The following CBR4 variants were observed in gnomAD, a reference collection of about 807,000 sequenced individuals.
CBR4 encodes carbonyl reductase 4, also known as 3-oxoacyl-[acyl-carrier-protein] reductase.
CBR4 carries 22 observed loss-of-function variants against 21.0 expected under a neutral mutation model. The ratio of observed to expected loss-of-function variants is 1.05; its 90% CI spans 0.75 to 1.50. The LOEUF is 1.50. Ranked by LOEUF, CBR4 falls within the 40% of genes most tolerant of loss-of-function variation. CBR4 has a pLI of 0.00. For missense variants in CBR4, 302 were observed against 286.3 expected, an observed-to-expected ratio of 1.05 and a Z score of -0.40; for synonymous variants, 100 against 104.4, an observed-to-expected ratio of 0.96 and a Z score of 0.26.
At chr4:168,921,007 T>C (rs1274781810) in intron 2 of CBR4, among the ~76,000 whole-genome samples, 4 of 152,194 alleles carry the variant, frequency 2.6e-5, no homozygotes, top group Non-Finnish European at 5.9e-5. Context: ...CGGTCTTCTC[T>C]AGGTTGCTCT....
At chr4:168,998,646 A>G (rs1765319447) in intron 4 of CBR4, among the ~76,000 whole-genome samples, 1 of 152,162 alleles carries the variant, frequency 6.6e-6, no homozygotes, top group Admixed American at 6.5e-5. Flanking sequence ...CACTGAATTG[A>G]CTGAATTGTA....
chr4:168,952,479 T>A (rs1419953256), intron 2 of CBR4, among the ~76,000 whole-genome samples: 3 of 151,716 alleles, frequency 2.0e-5, no homozygotes, highest in Non-Finnish European at 4.4e-5. Context: ...TTTGGGGGGG[T>A]GTTAAAGAGC....
intron 4 of CBR4, among the ~76,000 whole-genome samples, chr4:168,993,851 C>A (rs1023089936): frequency 6.6e-6 from 1 of 152,136 alleles, no homozygotes; most frequent in Non-Finnish European, 1.5e-5. Flanking sequence ...ACTCTGCTGG[C>A]CTGGCCTTTT....
Position 168,924,346 on chromosome 4 carries a change from A to G in CBR4, n.170-29581T>C, listed in dbSNP as rs781516286. 8.7e-6 allele frequency: 14 copies of G among 1,613,980 alleles called. No individual in the cohort carries two copies. The East Asian group carries it at 3.1e-4, about 36-fold the overall frequency. ...ACCCAGTGCGGCTGGAATGTCGTGT[A>G]TTGGGAGTGCCACCACCTCAGATAT... On this transcript the variant is annotated intron_variant and non_coding_transcript_variant, in intron 2 of 3. Coordinates refer to the CBR4 transcript ENST00000509108.
intron 2 of CBR4, among the ~76,000 whole-genome samples, chr4:168,947,117 CT>C (rs1036243196): frequency 1.3e-5 from 2 of 152,022 alleles, no homozygotes; most frequent in Non-Finnish European, 2.9e-5. Flanking sequence ...AGTCGTGCCC[CT>C]GTCATGTTTT....
intron 4 of CBR4, among the ~76,000 whole-genome samples, chr4:168,997,758 G>C (rs1765275449): frequency 6.6e-6 from 1 of 152,116 alleles, no homozygotes; most frequent in African/African-American, 2.4e-5. Flanking sequence ...AAAGGCATCA[G>C]GATTTTAGCC....
Position 168,988,739 on chromosome 4 carries a change from G to A in CBR4, c.*1411C>T. On this transcript the variant is annotated 3_prime_UTR_variant, in exon 5 of 5. Coordinates refer to ENST00000306193, the MANE Select transcript of CBR4 (RefSeq NM_032783.5). ...CTTAATTGACTTTCTCATATCCTGA[G>A]ATTAATCTAAGAAAACTATTTCAAA... The A allele has an allele frequency of 1.0e-6, 1 of 968,874 alleles. No homozygotes were observed. The highest frequency in any genetic ancestry group is 1.2e-6 in the Non-Finnish European group (1 of 814,918). 60.0% of individuals were successfully genotyped at this position (968,874 alleles called of 1,614,324 possible).
At chr4:168,910,197 A>G (rs1057092233) in intron 2 of CBR4, among the ~76,000 whole-genome samples, 15 of 150,874 alleles carry the variant, frequency 9.9e-5, no homozygotes, top group African/African-American at 3.4e-4. Flanking sequence ...TGACCTTTCC[A>G]GAGTAGTATG....
At chr4:168,951,947 T>C (rs527926663) in intron 2 of CBR4, among the ~76,000 whole-genome samples, 1 of 152,308 alleles carries the variant, frequency 6.6e-6, no homozygotes, top group East Asian at 1.9e-4. Context: ...CTTCTTGTAT[T>C]TGGATGTCTA....
chr4:168,993,986 G>C (rs1348669800), intron 4 of CBR4, among the ~76,000 whole-genome samples: 1 of 152,122 alleles, frequency 6.6e-6, no homozygotes, highest in African/African-American at 2.4e-5. Context: ...GCTAAGACCA[G>C]CTCGGTCACG....
intron 2 of CBR4, among the ~76,000 whole-genome samples, chr4:168,908,208 C>T (rs1208659208): frequency 6.6e-6 from 1 of 152,076 alleles, no homozygotes; most frequent in Admixed American, 6.5e-5. Flanking sequence ...ACTGGTATGT[C>T]CAAATATGGC....
At chr4:168,956,023 T>C (rs1763675648) in intron 2 of CBR4, among the ~76,000 whole-genome samples, 2 of 152,122 alleles carry the variant, frequency 1.3e-5, no homozygotes, top group African/African-American at 4.8e-5. Flanking sequence ...TAAAATACAA[T>C]CGGCACAGCA....
At chr4:168,913,719 CCTTCAAGTTCTT>C (rs1759522395) in intron 2 of CBR4, among the ~76,000 whole-genome samples, 1 of 151,910 alleles carries the variant, frequency 6.6e-6, no homozygotes, top group Admixed American at 6.6e-5. Context: ...GACCTTGTCA[CCTTCAAGTTCTT>C]CAAGTAAAAA....
intron 4 of CBR4, among the ~76,000 whole-genome samples, 177 bp from the exon 5 acceptor site, chr4:168,990,505 C>T (rs989567781): frequency 1.3e-5 from 2 of 151,966 alleles, no homozygotes; most frequent in Non-Finnish European, 2.9e-5. Flanking sequence ...GGTGCAAACA[C>T]GACTCACTGC....
At chr4:168,955,108 TA>T (rs1217214802) in intron 2 of CBR4, among the ~76,000 whole-genome samples, 1 of 152,218 alleles carries the variant, frequency 6.6e-6, no homozygotes, top group East Asian at 1.9e-4. Context: ...TATATTTATG[TA>T]ATTGTCATAA....
chr4:168,959,528 T>G (rs913172738), intron 2 of CBR4, among the ~76,000 whole-genome samples: 1 of 151,694 alleles, frequency 6.6e-6, no homozygotes, highest in African/African-American at 2.4e-5. Context: ...GTGGTTTACA[T>G]TACCACAAAT....
Position 169,010,186 on chromosome 4 carries a change from A to G in CBR4, c.-97T>C, listed in dbSNP as rs1731317174. 2.6e-6 allele frequency: 3 copies of G among 1,163,292 alleles called. No individual in the cohort carries two copies. Among genetic ancestry groups the G allele is most frequent in the African/African-American group, 3.1e-5 (2 of 63,530 alleles). The allele number at this position is 1,163,292 out of a possible 1,614,324, so 72.1% of individuals were successfully genotyped here. A position where few individuals can be genotyped will look rare whatever the true frequency, so the allele number is the denominator to read the frequency against. On this transcript the variant is annotated 5_prime_UTR_variant, in exon 1 of 5. Transcript: ENST00000306193. ...AACAACCGCGGTTCCAAAAAAAAAA[A>G]AAAGAAAAAAAAAGGCAAACCGCAA...
chr4:168,941,378 G>A (rs7435381), intron 2 of CBR4, among the ~76,000 whole-genome samples: 2 of 151,970 alleles, frequency 1.3e-5, no homozygotes, highest in Non-Finnish European at 2.9e-5. Context: ...ATATCCCAAG[G>A]ATACAAAGAT....
intron 2 of CBR4, chr4:168,926,329 G>C: frequency 6.5e-7 from 1 of 1,537,316 alleles, no homozygotes; most frequent in Non-Finnish European, 8.7e-7. Flanking sequence ...CCAACCTGAG[G>C]CCAACCCATC....
Sources: allele counts gnomAD v4.1 joint callset (sites outside exome capture counted in the v4.1 genomes callset), GRCh38; gene constraint gnomAD v4.1.1; transcripts MANE v1.5; gene names NCBI Gene and HGNC (gene_info 2026-07-23, HGNC 2026-07-21).